The following BTG4 variants were observed in gnomAD, a reference collection of about 807,000 sequenced individuals.
BTG4 encodes the protein protein BTG4.
Under a neutral mutation model 19.3 loss-of-function variants are expected in BTG4, and 10 were observed. The ratio of observed to expected loss-of-function variants is 0.52; its 90% CI spans 0.32 to 0.88. The LOEUF is 0.88. BTG4 is among the 40% of genes least tolerant of loss of function. BTG4 has a pLI of 0.04. For missense variants in BTG4, 238 were observed against 281.9 expected, an observed-to-expected ratio of 0.84 and a Z score of 1.11; for synonymous variants, 91 against 95.7, an observed-to-expected ratio of 0.95 and a Z score of 0.29.
the BTG4 span, among the ~76,000 whole-genome samples, chr11:111,439,431 G>A: frequency 1.3e-5 from 2 of 151,966 alleles, no homozygotes; most frequent in Non-Finnish European, 2.9e-5. Context: ...AGATGGAGCA[G>A]GAGAAGACAC....
chr11:111,412,660 G>A, the BTG4 span, among the ~76,000 whole-genome samples: 1 of 152,022 alleles, frequency 6.6e-6, no homozygotes, highest in Non-Finnish European at 1.5e-5. Flanking sequence ...TACGAGGTTG[G>A]TACCTTCATT....
At chr11:111,468,051 T>C (rs1863824250) in intron 5 of BTG4, among the ~76,000 whole-genome samples, 1 of 152,232 alleles carries the variant, frequency 6.6e-6, no homozygotes, top group African/African-American at 2.4e-5. Flanking sequence ...GGAAGTGCCT[T>C]GCTGGTAACT....
chr11:111,503,792 G>A (rs12283533), intron 1 of BTG4, among the ~76,000 whole-genome samples: 5,271 of 152,156 alleles, frequency 0.035, 315 homozygotes, highest in African/African-American at 0.12. Flanking sequence ...TTCTAGAATT[G>A]CATTCTTCAT....
chr11:111,446,812 C>T, the BTG4 span, among the ~76,000 whole-genome samples: 1 of 152,128 alleles, frequency 6.6e-6, no homozygotes, highest in Non-Finnish European at 1.5e-5. Context: ...GCCTGGAACA[C>T]CCAGAAGAGA....
At chr11:111,436,798 C>G in the BTG4 span, among the ~76,000 whole-genome samples, 1 of 152,194 alleles carries the variant, frequency 6.6e-6, no homozygotes, top group Non-Finnish European at 1.5e-5. Context: ...CCCCTCCAGT[C>G]CACACACCCA....
rs1865800382 is a variant in BTG4, at chr11:111,497,325, A to G, written c.396T>C (p.Tyr132=). Residue 132 remains tyrosine, a synonymous_variant, in exon 4 of 5, where the codon TAT becomes TAC. Coordinates refer to ENST00000692032, the MANE Select transcript of BTG4 (RefSeq NM_001367975.1). The stretch of plus-strand genomic sequence containing the variant: ...CGTCTGATGAGGCTCTACTAACGGC[A>G]TAACTGATTTGTTGATATAGTTCCC... The part of the protein sequence containing the change: ...EEWELYQQIS[Y]AVSRASSDVS... The G allele has an allele frequency of 1.3e-6, 2 of 1,583,944 alleles. No individual in the cohort carries two copies. Among genetic ancestry groups the G allele is most frequent in the Non-Finnish European group, 1.7e-6 (2 of 1,169,320 alleles).
the BTG4 span, among the ~76,000 whole-genome samples, chr11:111,394,327 CAT>C: frequency 3.3e-5 from 5 of 152,174 alleles, no homozygotes; most frequent in Non-Finnish European, 5.9e-5. Flanking sequence ...ATAATTCCCA[CAT>C]GTTGTGGGAG....
chr11:111,411,378 G>A, the BTG4 span, among the ~76,000 whole-genome samples: 1 of 151,776 alleles, frequency 6.6e-6, no homozygotes, highest in Non-Finnish European at 1.5e-5. Context: ...TGCACTCACT[G>A]TCTCCTCTGC....
At chr11:111,384,126 T>C in the BTG4 span, among the ~76,000 whole-genome samples, 2 of 152,236 alleles carry the variant, frequency 1.3e-5, no homozygotes, top group African/African-American at 4.8e-5. Flanking sequence ...TTGTTGGTTA[T>C]CATAGTCTTT....
chr11:111,486,781 G>C (rs1865089074), intron 5 of BTG4, among the ~76,000 whole-genome samples: 1 of 152,062 alleles, frequency 6.6e-6, no homozygotes, highest in African/African-American at 2.4e-5. Context: ...GAGAATCAAA[G>C]ACAAAACCAC....
At chr11:111,486,357 C>A (rs894986312) in intron 5 of BTG4, among the ~76,000 whole-genome samples, 1 of 152,096 alleles carries the variant, frequency 6.6e-6, no homozygotes, top group African/African-American at 2.4e-5. Context: ...ATTGCTTGAG[C>A]CTGGGAGGCA....
chr11:111,467,472 C>A (rs1591438976), downstream of BTG4: 1 of 503,164 alleles, frequency 2.0e-6, no homozygotes, highest in East Asian at 3.3e-5. Context: ...TACTTCTCAT[C>A]AATTTGGCTG....
chr11:111,412,095 G>C, the BTG4 span, among the ~76,000 whole-genome samples: 1 of 152,218 alleles, frequency 6.6e-6, no homozygotes, highest in African/African-American at 2.4e-5. Flanking sequence ...CCAGAAATGA[G>C]AGACAAGGCC....
the BTG4 span, among the ~76,000 whole-genome samples, chr11:111,432,244 G>A: frequency 2.0e-5 from 3 of 152,176 alleles, no homozygotes; most frequent in Non-Finnish European, 4.4e-5. Flanking sequence ...CCACGTGAAG[G>A]AGTTGGATCC....
chr11:111,461,213 T>C, the BTG4 span, among the ~76,000 whole-genome samples: 1 of 152,208 alleles, frequency 6.6e-6, no homozygotes, highest in Admixed American at 6.5e-5. Context: ...AAAAGGTATG[T>C]GATAAATAAA....
intron 1 of BTG4, among the ~76,000 whole-genome samples, chr11:111,500,285 A>C (rs1565469948): frequency 6.6e-6 from 1 of 152,224 alleles, no homozygotes; most frequent in Non-Finnish European, 1.5e-5. Flanking sequence ...ATTAAGCGTT[A>C]AGAAGCCACA....
At chr11:111,392,871 G>A in the BTG4 span, among the ~76,000 whole-genome samples, 1 of 152,166 alleles carries the variant, frequency 6.6e-6, no homozygotes, top group South Asian at 2.1e-4. Context: ...ATTCTTGTGA[G>A]GGTTAGATTA....
intron 5 of BTG4, among the ~76,000 whole-genome samples, chr11:111,481,481 T>C (rs1282477722): frequency 1.3e-5 from 2 of 151,804 alleles, no homozygotes; most frequent in African/African-American, 2.4e-5. Context: ...GTACTATATA[T>C]TTATAGTATT....
chr11:111,480,840 A>G (rs1219591355), intron 5 of BTG4, among the ~76,000 whole-genome samples: 1 of 151,712 alleles, frequency 6.6e-6, no homozygotes, highest in Non-Finnish European at 1.5e-5. Context: ...TATACATTAG[A>G]AAAGAGGGAA....
Sources: gnomAD v4.1 joint callset for allele counts (sites outside exome capture counted in the v4.1 genomes callset) on GRCh38, gnomAD v4.1.1 for gene constraint, MANE v1.5 for transcripts, NCBI Gene and HGNC (gene_info 2026-07-23, HGNC 2026-07-21) for gene names.